Variants in NLRC3 observed in about 807,000 individuals in gnomAD.
The protein encoded by NLRC3 is NLR family CARD domain containing 3.
In NLRC3, 87 loss-of-function variants were observed where a neutral mutation model predicts 91.6. The observed-to-expected ratio is 0.95, with a 90% confidence interval of 0.80 to 1.14. NLRC3 has a LOEUF of 1.14. Among genes scored for constraint, NLRC3 ranks in the 50% most tolerant of loss-of-function variants. The pLI is 0.00. For synonymous variants in NLRC3, 694 were observed against 625.3 expected, an observed-to-expected ratio of 1.11 and a Z score of -1.64; for missense variants, 1,577 against 1,418.6, an observed-to-expected ratio of 1.11 and a Z score of -1.79.
intron 16 of NLRC3, 98 bp from the exon 17 acceptor site, chr16:3,543,606 T>C: frequency 3.7e-6 from 3 of 804,174 alleles, no homozygotes; most frequent in Admixed American, 2.0e-5. Context: ...GGATGGAAAG[T>C]GGAGAAACAG....
rs1338726451 is a variant in NLRC3, at chr16:3,565,322, A to C, written c.-28T>G. 1 of 653,538 alleles carries C rather than the reference A, an allele frequency of 1.5e-6. No homozygotes were observed. Among genetic ancestry groups the C allele is most frequent in the African/African-American group, 1.8e-5 (1 of 56,430 alleles). The allele number at this position is 653,538 out of a possible 1,614,324, so 40.5% of individuals were successfully genotyped here. A position where few individuals can be genotyped will look rare whatever the true frequency, so the allele number is the denominator to read the frequency against. ...GTACCCCGGCCCTGCCACTTACCAGATAGGTGACTGAGGGCAGGCTGAGTC... is the reference window on the plus strand; with the variant it reads ...GTACCCCGGCCCTGCCACTTACCAGCTAGGTGACTGAGGGCAGGCTGAGTC... On this transcript the variant is annotated 5_prime_UTR_variant, in exon 3 of 20. Coordinates refer to ENST00000359128, the MANE Select transcript of NLRC3 (RefSeq NM_178844.4).
intron 9 of NLRC3, 127 bp from the exon 10 acceptor site, chr16:3,552,406 G>T: frequency 3.0e-6 from 2 of 674,664 alleles, no homozygotes; most frequent in Non-Finnish European, 2.6e-6. Context: ...AGGTGGGGAG[G>T]GCGTTCTCCA....
chr16:3,572,299 G>T (rs772824942), intron 1 of NLRC3, among the ~76,000 whole-genome samples: 1 of 151,938 alleles, frequency 6.6e-6, no homozygotes, highest in African/African-American at 2.4e-5. Context: ...GGAGGTAGTG[G>T]GAAATTTTTT....
Position 3,540,513 on chromosome 16 carries a change from G to A in NLRC3, c.*1312C>T, listed in dbSNP as rs2038352928. ...TGGCTTTGGAAGCCTAGTAAGGAAT[G>A]ACATCACTGCCAGGTGCAGTGGCTC... is the stretch of plus-strand genomic sequence containing the variant. On this transcript the variant is annotated 3_prime_UTR_variant, in exon 20 of 20. Transcript: ENST00000359128. 2 of 152,210 alleles carry A rather than the reference G, an allele frequency of 1.3e-5. No homozygotes were observed. Among genetic ancestry groups the A allele is most frequent in the African/African-American group, 4.8e-5 (2 of 41,440 alleles). 9.4% of individuals were successfully genotyped at this position (152,210 alleles called of 1,614,324 possible).
At chr16:3,554,731 G>A (rs1398255590) in intron 8 of NLRC3, among the ~76,000 whole-genome samples, 1 of 152,120 alleles carries the variant, frequency 6.6e-6, no homozygotes, top group African/African-American at 2.4e-5. Flanking sequence ...GGTTAAACAT[G>A]GGTTGACCAT....
At chr16:3,560,557 A>G (rs1187882666) in intron 6 of NLRC3, among the ~76,000 whole-genome samples, 2 of 152,196 alleles carry the variant, frequency 1.3e-5, no homozygotes, top group Non-Finnish European at 2.9e-5. Flanking sequence ...AGTTTCTCAG[A>G]TCCAGGAATG....
Position 3,564,091 on chromosome 16 carries a change from C to G in NLRC3, c.846G>C (p.Arg282=), listed in dbSNP as rs1323087373. The stretch of plus-strand genomic sequence containing the variant: ...CGTTAAAGCCCCGGATCTCCGTCAT[C>G]CGGTCCACCAGGCCCCCTGGGATCT... ...SGQIPGGLVD[R]MTEIRGFNEE... The change falls in exon 5 of 20, where the codon CGG becomes CGC. Residue 282 remains arginine (R), a synonymous_variant. Transcript: ENST00000359128. This position sits in a 1 kb window ranked among gnomAD's most constrained non-coding sequence, Gnocchi z 5.9. 1 of 1,613,588 alleles carries G rather than the reference C, an allele frequency of 6.2e-7. No individual in the cohort carries two copies.
intron 15 of NLRC3, among the ~76,000 whole-genome samples, chr16:3,546,722 C>T (rs774083698): frequency 2.0e-5 from 3 of 152,020 alleles, no homozygotes; most frequent in Non-Finnish European, 4.4e-5. Context: ...AAGGGAGGTA[C>T]AGAGGGGGTG....
Position 3,541,663 on chromosome 16 carries a change from C to T in NLRC3, c.*162G>A, listed in dbSNP as rs912003337. The stretch of plus-strand genomic sequence containing the variant: ...ACTCCTGCAGCAGAAGAGGAGCTCA[C>T]GACCTCCTCCGGCAGCACCTCTCCT... On this transcript the variant is annotated 3_prime_UTR_variant, in exon 20 of 20. Coordinates refer to ENST00000359128, the MANE Select transcript of NLRC3 (RefSeq NM_178844.4). 2.1e-5 allele frequency: 13 copies of T among 610,904 alleles called. No individual in the cohort carries two copies. Among genetic ancestry groups the T allele is most frequent in the Admixed American group, 5.5e-5 (2 of 36,536 alleles). 37.8% of individuals were successfully genotyped at this position (610,904 alleles called of 1,614,324 possible). A position where few individuals can be genotyped will look rare whatever the true frequency, so the allele number is the denominator to read the frequency against.
At chr16:3,565,496 A>T in intron 2 of NLRC3, 116 bp from the exon 3 acceptor site, 1 of 341,658 alleles carries the variant, frequency 2.9e-6, no homozygotes. Context: ...AAAAAAAAAA[A>T]AGGCAGCAGC....
In NLRC3 at chr16:3,554,307, A is replaced by G. The variant is rs2151091026; in HGVS notation, c.2202T>C (p.Val734=). Residue 734 remains valine (V), a synonymous_variant, in exon 9 of 20, where the codon GTT becomes GTC. Transcript: ENST00000359128. ...LTSLSLQGNT[V]RDDGARSMAE... Reference sequence around the variant, plus strand: ...CCATGGACCTGGCACCATCATCCCTAACGGTGTTGCCCTGGAGGCTGCAGA... The same window carrying G: ...CCATGGACCTGGCACCATCATCCCTGACGGTGTTGCCCTGGAGGCTGCAGA... 6.2e-7 allele frequency: 1 copy of G among 1,613,636 alleles called. No homozygotes were observed. The highest frequency in any genetic ancestry group is 2.2e-5 in the East Asian group (1 of 44,880).
intron 8 of NLRC3, among the ~76,000 whole-genome samples, chr16:3,556,256 A>C (rs1328859208): frequency 7.1e-6 from 1 of 140,588 alleles, no homozygotes; most frequent in African/African-American, 2.6e-5. Flanking sequence ...GCTTAAACCC[A>C]GGAGGCAGAG....
chr16:3,548,080 G>T, intron 15 of NLRC3, 55 bp downstream of exon 15: 1 of 1,261,926 alleles, frequency 7.9e-7, no homozygotes, highest in Non-Finnish European at 1.1e-6. Context: ...CAGGTTTTCA[G>T]ATTCCCCTGT....
At chr16:3,542,919 C>T (rs2038482325) in intron 17 of NLRC3, 144 bp from the exon 18 acceptor site, 3 of 614,880 alleles carry the variant, frequency 4.9e-6, no homozygotes, top group African/African-American at 3.7e-5. Flanking sequence ...CTTCCTCACT[C>T]CAGGGCAACA....
rs1272844108 is a variant in NLRC3 at position 3,563,972 on chromosome 16, AGGGC to A, written c.961_964del (p.Ala321CysfsTer3). The stretch of plus-strand genomic sequence containing the variant: ...GGCTGGGACGGTGCACATCAGGTAC[AGGGC>A]CCTGTCAGCCTGCACTTGGCTCAGC... On this transcript the variant is annotated frameshift_variant, in exon 5 of 20. Coordinates refer to ENST00000359128, the MANE Select transcript of NLRC3 (RefSeq NM_178844.4). LOFTEE classifies it high-confidence loss of function. The A allele has an allele frequency of 6.2e-7, 1 of 1,604,022 alleles. No homozygotes were observed. The highest frequency in any genetic ancestry group is 2.2e-5 in the East Asian group (1 of 44,876).
At position 3,564,216 on chromosome 16, in the gene NLRC3, T is replaced by C. The variant is rs766558523; in HGVS notation, c.721A>G (p.Lys241Glu). 1.5e-4 allele frequency: 247 copies of C among 1,613,242 alleles called. No individual in the cohort carries two copies. The highest frequency in any genetic ancestry group is 2.0e-4 in the Non-Finnish European group (233 of 1,179,890). Residue 241 changes from lysine (K) to glutamate (E), a missense_variant, in exon 5 of 20, where the codon AAG becomes GAG. Lys to Glu is a moderately conservative substitution (Grantham distance 56, BLOSUM62 1). Coordinates refer to ENST00000359128, the MANE Select transcript of NLRC3 (RefSeq NM_178844.4). The surrounding 1 kb of genome is among the most constrained non-coding windows in gnomAD (Gnocchi z 5.9). ...SNTVACTDPK[K>E]EIPVDHLITN... ...ATCAGGTGGTCCACCGGGATCTCCTTCTTTGGGTCCGTGCAGGCCACGGTG... is the reference window on the plus strand; with the variant it reads ...ATCAGGTGGTCCACCGGGATCTCCTCCTTTGGGTCCGTGCAGGCCACGGTG...
At chr16:3,574,628 A>G (rs898193932) in intron 1 of NLRC3, among the ~76,000 whole-genome samples, 5 of 152,180 alleles carry the variant, frequency 3.3e-5, no homozygotes, top group African/African-American at 1.2e-4. Context: ...TTGTGGCCCC[A>G]TGACCTTGGG....
At chr16:3,561,938 C>A (rs948340824) in intron 5 of NLRC3, 150 bp from the exon 6 acceptor site, 1 of 620,458 alleles carries the variant, frequency 1.6e-6, no homozygotes, top group African/African-American at 1.8e-5. Flanking sequence ...CAGACCTTTC[C>A]CGTGAGAGTG....
At chr16:3,543,071 C>G in intron 17 of NLRC3, 1 of 497,242 alleles carries the variant, frequency 2.0e-6, no homozygotes, top group Non-Finnish European at 3.6e-6. Flanking sequence ...CTGGGCAGGT[C>G]CCCAGTGCTC....
Sources: gnomAD v4.1 joint callset for allele counts (sites outside exome capture counted in the v4.1 genomes callset) on GRCh38, gnomAD v4.1.1 for gene constraint, Gnocchi (gnomAD v3.1) non-coding constraint, MANE v1.5 for transcripts, NCBI Gene and HGNC (gene_info 2026-07-23, HGNC 2026-07-21) for gene names.